Variants in GALNT13 observed in about 807,000 individuals in gnomAD.
The protein encoded by GALNT13 is UDP-GalNAc:polypeptide N-acetylgalactosaminyltransferase 13.
Under a neutral mutation model 64.2 loss-of-function variants are expected in GALNT13, and 28 were observed. That is an observed-to-expected ratio of 0.44 (90% CI 0.32 to 0.60). The LOEUF is 0.60. GALNT13 is among the 20% of genes least tolerant of loss of function. The probability of loss-of-function intolerance (pLI) is 0.05; values close to 1 mark genes in which losing one functional copy is unlikely to be tolerated. For missense variants in GALNT13, 577 were observed against 669.8 expected, an observed-to-expected ratio of 0.86 and a Z score of 1.53; for synonymous variants, 214 against 224.6, an observed-to-expected ratio of 0.95 and a Z score of 0.42.
intron 3 of GALNT13, among the ~76,000 whole-genome samples, chr2:154,000,319 TG>T (rs1258587952): frequency 2.6e-5 from 4 of 151,358 alleles, no homozygotes; most frequent in African/African-American, 9.8e-5. Context: ...ATTTCTGCTC[TG>T]ATATTTGTTA....
chr2:153,744,624 G>A, the GALNT13 span, among the ~76,000 whole-genome samples: 1 of 152,094 alleles, frequency 6.6e-6, no homozygotes, highest in Non-Finnish European at 1.5e-5. Context: ...ACATTGTCAA[G>A]GATGGGAAAT....
chr2:154,448,078 C>T (rs1198155941), intron 12 of GALNT13, among the ~76,000 whole-genome samples: 1 of 152,024 alleles, frequency 6.6e-6, no homozygotes, highest in Non-Finnish European at 1.5e-5. Context: ...TCAAAACCAT[C>T]CTGGCTTATT....
chr2:153,884,334 C>G (rs900400161), intron 1 of GALNT13, among the ~76,000 whole-genome samples: 2 of 151,678 alleles, frequency 1.3e-5, no homozygotes, highest in African/African-American at 4.8e-5. Context: ...TCCACAGATT[C>G]CAACCACTCT....
intron 4 of GALNT13, among the ~76,000 whole-genome samples, chr2:154,168,185 A>T (rs1469469736): frequency 6.6e-6 from 1 of 152,002 alleles, no homozygotes; most frequent in Non-Finnish European, 1.5e-5. Context: ...AGAGAGATTT[A>T]TTTTAAGGAA....
At chr2:153,648,055 G>A in the GALNT13 span, among the ~76,000 whole-genome samples, 2 of 152,078 alleles carry the variant, frequency 1.3e-5, no homozygotes, top group African/African-American at 4.8e-5. Context: ...ATTACCTTGG[G>A]AGCTATGGCC....
intron 8 of GALNT13, among the ~76,000 whole-genome samples, chr2:154,283,602 T>C (rs1191094124): frequency 6.6e-6 from 1 of 151,702 alleles, no homozygotes; most frequent in African/African-American, 2.4e-5. Context: ...AAATTATACT[T>C]CAGTTTCATA....
chr2:153,353,144 T>C, the GALNT13 span, among the ~76,000 whole-genome samples: 2 of 152,090 alleles, frequency 1.3e-5, no homozygotes, highest in African/African-American at 4.8e-5. Flanking sequence ...CATCAATGTT[T>C]TGTGGTTTTT....
the GALNT13 span, among the ~76,000 whole-genome samples, chr2:153,504,237 T>C: frequency 1.3e-5 from 2 of 152,242 alleles, no homozygotes; most frequent in Non-Finnish European, 2.9e-5. Flanking sequence ...TAATTTTGTA[T>C]CCTGAAACTT....
chr2:153,577,818 A>G, the GALNT13 span, among the ~76,000 whole-genome samples: 73,810 of 150,162 alleles, frequency 0.49, 18,300 homozygotes, highest in South Asian at 0.64. Flanking sequence ...ATTTCTATAT[A>G]TGAATAAAAT....
At chr2:153,863,941 T>C in the GALNT13 span, among the ~76,000 whole-genome samples, 1 of 152,204 alleles carries the variant, frequency 6.6e-6, no homozygotes, top group Non-Finnish European at 1.5e-5. Context: ...AACATTTTAC[T>C]TCATATCTGC....
At chr2:153,658,396 C>G in the GALNT13 span, among the ~76,000 whole-genome samples, 1 of 152,068 alleles carries the variant, frequency 6.6e-6, no homozygotes, top group Non-Finnish European at 1.5e-5. Flanking sequence ...GTAAGTATAT[C>G]TTTGACTCCC....
chr2:154,378,488 G>T (rs2882047), intron 9 of GALNT13, among the ~76,000 whole-genome samples: 88,413 of 152,004 alleles, frequency 0.58, 26,086 homozygotes, highest in Admixed American at 0.65. Flanking sequence ...GGCAACTAAT[G>T]TAATGTAGTT....
At chr2:153,211,443 G>A in the GALNT13 span, among the ~76,000 whole-genome samples, 3 of 152,168 alleles carry the variant, frequency 2.0e-5, no homozygotes, top group South Asian at 2.1e-4. Context: ...GCACCCAGCC[G>A]ACAAACCTTT....
At chr2:153,751,624 T>C in the GALNT13 span, among the ~76,000 whole-genome samples, 1 of 151,992 alleles carries the variant, frequency 6.6e-6, no homozygotes, top group African/African-American at 2.4e-5. Context: ...AAATCTACTA[T>C]GTCTGACATA....
the GALNT13 span, among the ~76,000 whole-genome samples, chr2:153,184,662 G>T: frequency 6.6e-6 from 1 of 152,058 alleles, no homozygotes; most frequent in African/African-American, 2.4e-5. Flanking sequence ...TTTATTGAGA[G>T]TTTTTTTAAC....
At chr2:153,630,465 A>G in the GALNT13 span, among the ~76,000 whole-genome samples, 1 of 107,972 alleles carries the variant, frequency 9.3e-6, no homozygotes, top group Non-Finnish European at 1.7e-5. Context: ...ACATGTACAC[A>G]GGAGGGGGAA....
chr2:153,948,988 CTTAAAATAAAAG>C (rs1691976085), intron 3 of GALNT13, among the ~76,000 whole-genome samples: 1 of 143,128 alleles, frequency 7.0e-6, no homozygotes, highest in African/African-American at 2.4e-5. Flanking sequence ...TGCCCCTGAA[CTTAAAATAAAAG>C]TTAAACAAAT....
the GALNT13 span, among the ~76,000 whole-genome samples, chr2:153,758,175 G>T: frequency 1.3e-5 from 2 of 151,986 alleles, no homozygotes; most frequent in Non-Finnish European, 2.9e-5. Context: ...TGAGATGAGG[G>T]TTCAATTTTA....
chr2:153,998,680 T>C (rs1240697930), intron 3 of GALNT13, among the ~76,000 whole-genome samples: 1 of 152,166 alleles, frequency 6.6e-6, no homozygotes, highest in Non-Finnish European at 1.5e-5. Flanking sequence ...TTTGTTGCCA[T>C]TGCTTTTGGT....
Sources: gnomAD v4.1 joint callset for allele counts (sites outside exome capture counted in the v4.1 genomes callset) on GRCh38, gnomAD v4.1.1 for gene constraint, MANE v1.5 for transcripts, NCBI Gene and HGNC (gene_info 2026-07-23, HGNC 2026-07-21) for gene names.